STXBP5L: variants seen among roughly 807,000 people sequenced by gnomAD.
The protein encoded by STXBP5L is syntaxin binding protein 5L.
A neutral mutation model predicts 144.5 loss-of-function variants in STXBP5L; 65 were observed. That is an observed-to-expected ratio of 0.45 (90% CI 0.37 to 0.55). The LOEUF (loss-of-function observed/expected upper bound fraction) is 0.55, where lower values mean the gene tolerates loss of function less well. STXBP5L is among the 20% of genes least tolerant of loss of function. STXBP5L has a pLI of 0.00. For synonymous variants in STXBP5L, 505 were observed against 469.6 expected (o/e 1.08, Z -0.97); for missense variants, 1,298 against 1,405.5 (o/e 0.92, Z 1.22).
intron 9 of STXBP5L, among the ~76,000 whole-genome samples, chr3:121,168,996 AG>A (rs1305898006): frequency 2.0e-5 from 3 of 152,240 alleles, no homozygotes; most frequent in African/African-American, 4.8e-5. Flanking sequence ...ATCTCGCTGC[AG>A]AAATCCTACA....
At chr3:121,323,397 A>G (rs2044040314) in intron 20 of STXBP5L, among the ~76,000 whole-genome samples, 1 of 152,116 alleles carries the variant, frequency 6.6e-6, no homozygotes, top group Non-Finnish European at 1.5e-5. Context: ...CTGATTTTCT[A>G]TGTGGGTCTC....
intron 22 of STXBP5L, among the ~76,000 whole-genome samples, chr3:121,397,664 C>A (rs2046764584): frequency 6.6e-6 from 1 of 152,174 alleles, no homozygotes. Context: ...CCATTTCATG[C>A]ATTATATGTT....
At chr3:121,032,201 T>C (rs991062084) in intron 3 of STXBP5L, among the ~76,000 whole-genome samples, 1 of 149,692 alleles carries the variant, frequency 6.7e-6, no homozygotes, top group Non-Finnish European at 1.5e-5. Flanking sequence ...GGAAAATATA[T>C]AAGCAGTAGA....
At chr3:120,931,550 A>T (rs765349204) in intron 2 of STXBP5L, among the ~76,000 whole-genome samples, 17 of 152,156 alleles carry the variant, frequency 1.1e-4, no homozygotes, top group Admixed American at 2.0e-4. Flanking sequence ...CAGCTGTTAG[A>T]GGTTGCTTAT....
At chr3:121,346,120 A>G (rs1368479409) in intron 20 of STXBP5L, among the ~76,000 whole-genome samples, 3 of 102,234 alleles carry the variant, frequency 2.9e-5, no homozygotes, top group East Asian at 6.0e-4. Context: ...CGACCCCACA[A>G]CAGGCCCCAG....
intron 3 of STXBP5L, among the ~76,000 whole-genome samples, chr3:121,036,163 T>C (rs1358838990): frequency 1.3e-5 from 2 of 152,042 alleles, no homozygotes; most frequent in African/African-American, 4.8e-5. Context: ...TGAAATCCCA[T>C]CTCTACTAAA....
At chr3:121,309,430 G>T (rs1398988691) in intron 19 of STXBP5L, among the ~76,000 whole-genome samples, 2 of 152,048 alleles carry the variant, frequency 1.3e-5, no homozygotes, top group East Asian at 1.9e-4. Flanking sequence ...TGATAAAAGT[G>T]TCAATCAAGA....
rs910952399 is a variant in STXBP5L at position 121,161,949 on chromosome 3, A to G, written c.877+4322A>G. ...AAATATGATATTTAAAAATTTAGAA[A>G]GAGTATTCAAAATTTTAGTTTCTTA... On this transcript the variant is annotated intron_variant, in intron 9 of 26. Coordinates refer to ENST00000471454, the MANE Select transcript of STXBP5L (RefSeq NM_001308330.2). 2.6e-5 allele frequency among the ~76,000 whole-genome samples: 4 copies of G among 152,282 alleles called. No homozygotes were observed. The South Asian group carries it at 6.2e-4, about 24-fold the overall frequency.
intron 3 of STXBP5L, among the ~76,000 whole-genome samples, chr3:121,012,975 T>G (rs1944890094): frequency 6.6e-6 from 1 of 151,932 alleles, no homozygotes. Context: ...TTAATTTGCT[T>G]ATGATAATGG....
chr3:120,910,681 C>A lies in STXBP5L; in HGVS notation c.189+914C>A, dbSNP rs972823568. Among the ~76,000 whole-genome samples, 4 of 152,016 alleles carry A rather than the reference C, an allele frequency of 2.6e-5. No individual in the cohort carries two copies. In the South Asian group the frequency reaches 8.3e-4, roughly 32 times the overall value. The stretch of plus-strand genomic sequence containing the variant: ...TTAACAATTTTTAAAAATACTTTCA[C>A]AAAAGAAAAGTTTTTTGAAATTATT... On this transcript the variant is annotated intron_variant, in intron 2 of 26. Transcript: ENST00000471454.
intron 5 of STXBP5L, among the ~76,000 whole-genome samples, chr3:121,067,374 T>G (rs2041598086): frequency 6.6e-6 from 1 of 152,164 alleles, no homozygotes; most frequent in Non-Finnish European, 1.5e-5. Flanking sequence ...TAATTTTTCC[T>G]ATAGTTTCTT....
intron 2 of STXBP5L, among the ~76,000 whole-genome samples, chr3:120,923,426 G>A (rs1236187821): frequency 6.6e-6 from 1 of 151,358 alleles, no homozygotes; most frequent in East Asian, 1.9e-4. Context: ...GTGTATCTTA[G>A]GTTGTTTATT....
At chr3:121,095,020 C>T (rs114528585) in intron 5 of STXBP5L, among the ~76,000 whole-genome samples, 5,413 of 152,110 alleles carry the variant, frequency 0.036, 147 homozygotes, top group Middle Eastern at 0.082. Context: ...ATCTGTAAAG[C>T]ATTGTCTGTA....
At chr3:121,148,278 A>G (rs2045794912) in intron 7 of STXBP5L, among the ~76,000 whole-genome samples, 1 of 152,118 alleles carries the variant, frequency 6.6e-6, no homozygotes, top group African/African-American at 2.4e-5. Context: ...AATGAAAGAG[A>G]AGGCACAAAA....
intron 5 of STXBP5L, among the ~76,000 whole-genome samples, chr3:121,066,246 T>C (rs1398407369): frequency 1.3e-5 from 2 of 152,078 alleles, no homozygotes; most frequent in African/African-American, 4.8e-5. Flanking sequence ...CATTACTGAT[T>C]GTAGGGGGAA....
At chr3:121,143,592 T>C (rs1283095493) in intron 7 of STXBP5L, among the ~76,000 whole-genome samples, 1 of 151,776 alleles carries the variant, frequency 6.6e-6, no homozygotes, top group Non-Finnish European at 1.5e-5. Flanking sequence ...AGTATGACAA[T>C]TGCATAAAAA....
At chr3:120,911,849 A>G (rs767949623) in intron 2 of STXBP5L, among the ~76,000 whole-genome samples, 1 of 152,038 alleles carries the variant, frequency 6.6e-6, no homozygotes, top group Non-Finnish European at 1.5e-5. Flanking sequence ...ATAACAAAAC[A>G]TATAAAAATG....
chr3:121,348,216 A>G (rs1204809493), intron 20 of STXBP5L, among the ~76,000 whole-genome samples: 1 of 152,064 alleles, frequency 6.6e-6, no homozygotes, highest in African/African-American at 2.4e-5. Flanking sequence ...TGAGATAATC[A>G]TGTGGTTTTT....
intron 3 of STXBP5L, among the ~76,000 whole-genome samples, chr3:121,036,478 C>T (rs1314649670): frequency 6.6e-6 from 1 of 152,032 alleles, no homozygotes; most frequent in Admixed American, 6.6e-5. Flanking sequence ...TTATTTTTCT[C>T]ACCTTAATGC....
Sources: gnomAD v4.1 joint callset for allele counts (sites outside exome capture counted in the v4.1 genomes callset) on GRCh38, gnomAD v4.1.1 for gene constraint, MANE v1.5 for transcripts, NCBI Gene and HGNC (gene_info 2026-07-23, HGNC 2026-07-21) for gene names.